PACS2: variants seen among roughly 807,000 people sequenced by gnomAD.
PACS2 encodes the protein phosphofurin acidic cluster sorting protein 2, also known as PACS1-like protein.
In PACS2, 36 loss-of-function variants were observed where a neutral mutation model predicts 113.0. The observed-to-expected ratio is 0.32, with a 90% CI of 0.24 to 0.42. The LOEUF (loss-of-function observed/expected upper bound fraction) is 0.42, where lower values mean the gene tolerates loss of function less well. Among genes scored for constraint, PACS2 ranks in the 10% least tolerant of loss-of-function variants. The pLI is 1.00. For missense variants in PACS2, 1,015 were observed against 1,239.5 expected (o/e 0.82, Z 2.72); for synonymous variants, 589 against 536.1 (o/e 1.10, Z -1.36).
At position 105,385,625 on chromosome 14, in the gene PACS2, G is replaced by GGAGGGGTCCTGAGGGCGTCGT. The variant is rs1376232225; in HGVS notation, c.2001-59_2001-39dup. The GGAGGGGTCCTGAGGGCGTCGT allele has an allele frequency of 2.8e-5, 35 of 1,261,918 alleles. No homozygotes were observed. The African/African-American group carries it at 4.5e-4, about 16-fold the overall frequency. 78.2% of individuals were successfully genotyped at this position (1,261,918 alleles called of 1,614,324 possible). A position where few individuals can be genotyped will look rare whatever the true frequency, so the allele number is the denominator to read the frequency against. On this transcript the variant is annotated intron_variant, in intron 18 of 24. Coordinates refer to ENST00000447393, the MANE Select transcript of PACS2 (RefSeq NM_001100913.3). ...CCACTGAGTGCCCTCGGCGGTCCCT[G>GGAGGGGTCCTGAGGGCGTCGT]GAGGGGTCCTGAGGGCGTCGTAACG...
rs1251849728 is a variant in PACS2 at position 105,323,166 on chromosome 14, T to C, written c.119+8129T>C. 6.6e-6 allele frequency among the ~76,000 whole-genome samples: 1 copy of C among 152,240 alleles called. No individual in the cohort carries two copies. The highest frequency in any genetic ancestry group is 1.5e-5 in the Non-Finnish European group (1 of 68,044). On this transcript the variant is annotated intron_variant, in intron 1 of 24. Coordinates refer to ENST00000447393, the MANE Select transcript of PACS2 (RefSeq NM_001100913.3). The surrounding 1 kb of genome is among the most constrained non-coding windows in gnomAD (Gnocchi z 4.1). The stretch of plus-strand genomic sequence containing the variant: ...CCTGAGTCGGGGTTACTAGACTTGC[T>C]GACTTTGTGGATCGATGATTTTCAT...
chr14:105,342,420 A>G (rs990460938), intron 1 of PACS2, among the ~76,000 whole-genome samples: 3 of 151,802 alleles, frequency 2.0e-5, no homozygotes, highest in East Asian at 2.0e-4. Flanking sequence ...GGTGCGCCCC[A>G]CCAAGCCCAG....
chr14:105,370,002 C>G, intron 8 of PACS2, 102 bp downstream of exon 8: 1 of 1,016,178 alleles, frequency 9.8e-7, no homozygotes, highest in Non-Finnish European at 1.5e-6. Flanking sequence ...CTGGTTCTGC[C>G]GCTCACCGTC....
rs587598940 is a variant in PACS2 at position 105,367,394 on chromosome 14, C to T, written c.586+19C>T. Reference sequence around the variant, plus strand: ...TCCACGGGTGAGTGTGGTGCCAGCCCGCTCCTGCCCCTGCTGTGGGGAGGC... The same window carrying T: ...TCCACGGGTGAGTGTGGTGCCAGCCTGCTCCTGCCCCTGCTGTGGGGAGGC... On this transcript the variant is annotated intron_variant, in intron 5 of 24. Transcript: ENST00000447393. 2.7e-5 allele frequency: 44 copies of T among 1,607,848 alleles called. 1 individual carries two copies. The highest frequency in any genetic ancestry group is 1.9e-4 in the African/African-American group (14 of 74,954).
rs782706362 is a variant in PACS2, at chr14:105,381,103, A to T, written c.1268+4A>T. ...CCCTTGTCATCCCCTCCACCAGGTG[A>T]TGGGGGCTGCACGGCGGGGCGGGGC... is the stretch of plus-strand genomic sequence containing the variant. On this transcript the variant is annotated splice_donor_region_variant and intron_variant, in intron 12 of 24. Transcript: ENST00000447393. The T allele has an allele frequency of 3.1e-6, 5 of 1,606,756 alleles. No individual in the cohort carries two copies. In the South Asian group the frequency reaches 5.5e-5, roughly 18 times the overall value.
chr14:105,384,559 G>T lies in PACS2; in HGVS notation c.1891+96G>T, dbSNP rs587714022. 18 of 751,838 alleles carry T rather than the reference G, an allele frequency of 2.4e-5. No individual in the cohort carries two copies. In the East Asian group the frequency reaches 4.8e-4, roughly 20 times the overall value. The allele number at this position is 751,838 out of a possible 1,614,324, so 46.6% of individuals were successfully genotyped here. The stretch of plus-strand genomic sequence containing the variant: ...GCCCAGGAGGCCCTGCACCTGCTCA[G>T]GCTCAGCCTCAGGGAAGAGGCCATG... On this transcript the variant is annotated intron_variant, in intron 17 of 24. Transcript: ENST00000447393.
chr14:105,394,394 G>GC (rs2081475525), intron 24 of PACS2, 160 bp from the exon 25 acceptor site: 6 of 985,316 alleles, frequency 6.1e-6, no homozygotes, highest in Non-Finnish European at 7.2e-6. Flanking sequence ...TGGCCCTGGA[G>GC]CCCCCGAGTC....
chr14:105,366,270 C>T lies in PACS2; in HGVS notation c.424-943C>T, dbSNP rs2060937365. On this transcript the variant is annotated intron_variant, in intron 4 of 24. Transcript: ENST00000447393. This position sits in a 1 kb window ranked among gnomAD's most constrained non-coding sequence, Gnocchi z 4.3. ...AGCTGAGGCAGGAGAATCACTTGAA[C>T]CCAGGAGGCGGAGGTTGCAGTGAGC... 6.6e-6 allele frequency among the ~76,000 whole-genome samples: 1 copy of T among 152,220 alleles called. No homozygotes were observed. The highest frequency in any genetic ancestry group is 2.4e-5 in the African/African-American group (1 of 41,452).
chr14:105,315,192 G>A lies in PACS2; in HGVS notation c.119+155G>A. 1 of 290,380 alleles carries A rather than the reference G, an allele frequency of 3.4e-6. No homozygotes were observed. The highest frequency in any genetic ancestry group is 5.3e-6 in the Non-Finnish European group (1 of 188,660). The allele number at this position is 290,380 out of a possible 1,614,324, so 18.0% of individuals were successfully genotyped here. On this transcript the variant is annotated intron_variant, in intron 1 of 24. Coordinates refer to ENST00000447393, the MANE Select transcript of PACS2 (RefSeq NM_001100913.3). The surrounding 1 kb of genome is among the most constrained non-coding windows in gnomAD (Gnocchi z 4.4). ...CGCCGGTTCGACGCGTGCAGCCGCCGCCCCCCCGCAGCTCCGGCAAGCGCG... is the reference window on the plus strand; with the variant it reads ...CGCCGGTTCGACGCGTGCAGCCGCCACCCCCCCGCAGCTCCGGCAAGCGCG...
chr14:105,307,830 G>GT (rs1320150178), intron 1 of PACS2, among the ~76,000 whole-genome samples: 2 of 152,202 alleles, frequency 1.3e-5, no homozygotes, highest in Non-Finnish European at 2.9e-5. Flanking sequence ...CCCTGTTCCT[G>GT]TCTGTTCTCC....
chr14:105,369,401 C>T (rs905253473), intron 7 of PACS2, among the ~76,000 whole-genome samples: 3 of 152,180 alleles, frequency 2.0e-5, no homozygotes, highest in Non-Finnish European at 4.4e-5. Flanking sequence ...TGGCTGGAGC[C>T]GAGGTTCTGC....
rs1383072108 is a variant in PACS2 at position 105,324,983 on chromosome 14, G to A, written c.119+9946G>A. ...GGGGTGCACACGGGCCTGGGGCTGA[G>A]CAACCCGCTCTGGGCCTGGCTGTTC... On this transcript the variant is annotated intron_variant, in intron 1 of 24. Coordinates refer to ENST00000447393, the MANE Select transcript of PACS2 (RefSeq NM_001100913.3). This position sits in a 1 kb window ranked among gnomAD's most constrained non-coding sequence, Gnocchi z 4.7. Among the ~76,000 whole-genome samples the A allele has an allele frequency of 6.6e-6, 1 of 152,034 alleles. No individual in the cohort carries two copies. Among genetic ancestry groups the A allele is most frequent in the African/African-American group, 2.4e-5 (1 of 41,374 alleles).
chr14:105,325,807 G>A (rs927802735), intron 1 of PACS2, among the ~76,000 whole-genome samples: 5 of 152,224 alleles, frequency 3.3e-5, no homozygotes, highest in Non-Finnish European at 5.9e-5. Context: ...CACGGGGAAC[G>A]GCACCAAGCC....
intron 7 of PACS2, 80 bp from the exon 8 acceptor site, chr14:105,369,761 G>T: frequency 1.5e-6 from 2 of 1,291,404 alleles, no homozygotes; most frequent in Non-Finnish European, 2.2e-6. Context: ...CCTGGGTGCG[G>T]CCTGGGCCTG....
At chr14:105,360,771 G>A (rs1457373878) in intron 4 of PACS2, among the ~76,000 whole-genome samples, 6 of 152,128 alleles carry the variant, frequency 3.9e-5, no homozygotes, top group African/African-American at 1.4e-4. Context: ...ATGCGGTGCT[G>A]TTTGGTACCA....
At chr14:105,334,774 A>T (rs985277301) in intron 1 of PACS2, among the ~76,000 whole-genome samples, 1 of 152,262 alleles carries the variant, frequency 6.6e-6, no homozygotes, top group African/African-American at 2.4e-5. Flanking sequence ...CACACAAGTC[A>T]CTGAGCACAG....
chr14:105,347,054 C>T (rs782753726), intron 1 of PACS2, among the ~76,000 whole-genome samples: 6 of 138,080 alleles, frequency 4.3e-5, no homozygotes, highest in East Asian at 2.1e-4. Context: ...CCGCTGTCCC[C>T]GTTGCACCTC....
At chr14:105,313,573 C>T (rs966939420), upstream of PACS2, among the ~76,000 whole-genome samples, 2 of 152,242 alleles carry the variant, frequency 1.3e-5, no homozygotes, top group Non-Finnish European at 2.9e-5. Flanking sequence ...GCTCTCTCAA[C>T]GGAGGAAGCA....
intron 1 of PACS2, among the ~76,000 whole-genome samples, chr14:105,304,837 C>T (rs2058139481): frequency 6.6e-6 from 1 of 152,226 alleles, no homozygotes; most frequent in Admixed American, 6.5e-5. Context: ...ATAAAACCGT[C>T]AGATCTCGTG....
Sources: gnomAD v4.1 joint callset for allele counts (sites outside exome capture counted in the v4.1 genomes callset) on GRCh38, gnomAD v4.1.1 for gene constraint, Gnocchi (gnomAD v3.1) non-coding constraint, MANE v1.5 for transcripts, NCBI Gene and HGNC (gene_info 2026-07-23, HGNC 2026-07-21) for gene names.